The following MTMR12 variants were observed in gnomAD, a reference collection of about 807,000 sequenced individuals.
MTMR12 encodes myotubularin-related protein 12.
A neutral mutation model predicts 96.7 loss-of-function variants in MTMR12; 33 were observed. That is an observed-to-expected ratio of 0.34 (90% CI 0.26 to 0.46). The LOEUF (loss-of-function observed/expected upper bound fraction) is 0.46. Ranked by LOEUF, MTMR12 falls within the 20% of genes least tolerant of loss-of-function variation. MTMR12 has a pLI of 1.00. For missense variants in MTMR12, 721 were observed against 896.1 expected (o/e 0.80, Z 2.49); for synonymous variants, 298 against 327.2 (o/e 0.91, Z 0.96).
chr5:32,230,283 C>T lies in MTMR12; in HGVS notation c.1739G>A (p.Arg580Lys). The T allele has an allele frequency of 6.2e-7, 1 of 1,613,808 alleles. No individual in the cohort carries two copies. The highest frequency in any genetic ancestry group is 8.5e-7 in the Non-Finnish European group (1 of 1,179,952). The change falls in exon 16 of 16, where the codon AGG becomes AAG. Residue 580 changes from arginine to lysine, a missense_variant. Physicochemically the swap from Arg to Lys is conservative, Grantham distance 26 (BLOSUM62 2). Coordinates refer to ENST00000382142, the MANE Select transcript of MTMR12 (RefSeq NM_001040446.3). ...SKSSPKRGFFREETDHLIKNL... is the reference protein window; with the variant it reads ...SKSSPKRGFFKEETDHLIKNL... The stretch of plus-strand genomic sequence containing the variant: ...TTTAATTAAATGATCTGTTTCTTCC[C>T]TGAAAAATCCTCTTTTGGGAGATGA...
intron 3 of MTMR12, among the ~76,000 whole-genome samples, chr5:32,272,802 GAC>G (rs1182322253): frequency 1.3e-5 from 2 of 152,176 alleles, no homozygotes; most frequent in African/African-American, 4.8e-5. Flanking sequence ...ACAGGGGATT[GAC>G]AGAGCTACCT....
At chr5:32,235,877 GC>G (rs1748208651) in intron 13 of MTMR12, among the ~76,000 whole-genome samples, 1 of 152,184 alleles carries the variant, frequency 6.6e-6, no homozygotes, top group African/African-American at 2.4e-5. Context: ...CTGCCAGGGG[GC>G]TAAGAGAAGC....
intron 8 of MTMR12, among the ~76,000 whole-genome samples, chr5:32,249,860 T>A (rs1333194417): frequency 6.6e-6 from 1 of 152,036 alleles, no homozygotes; most frequent in South Asian, 2.1e-4. Flanking sequence ...GTTGGACGGG[T>A]GAGTACAGTT....
chr5:32,265,453 G>T (rs1749551996), intron 6 of MTMR12, among the ~76,000 whole-genome samples: 1 of 152,130 alleles, frequency 6.6e-6, no homozygotes, highest in Non-Finnish European at 1.5e-5. Context: ...ACAAAAATCA[G>T]GATACAAGGA....
chr5:32,280,315 T>G (rs758321270), intron 1 of MTMR12, among the ~76,000 whole-genome samples: 2 of 152,202 alleles, frequency 1.3e-5, no homozygotes, highest in Non-Finnish European at 2.9e-5. Context: ...CTCAGATTAA[T>G]TTTATCCAGC....
intron 6 of MTMR12, among the ~76,000 whole-genome samples, chr5:32,263,600 G>C (rs1749465096): frequency 6.6e-6 from 1 of 151,996 alleles, no homozygotes. Flanking sequence ...ACCACATATG[G>C]CTAATTTTTG....
chr5:32,261,155 C>T (rs1036100434), intron 7 of MTMR12, among the ~76,000 whole-genome samples: 3 of 151,750 alleles, frequency 2.0e-5, no homozygotes, highest in African/African-American at 7.3e-5. Flanking sequence ...ATCACTTGAA[C>T]CCAGGAGGCA....
chr5:32,278,971 G>A (rs1750171448), intron 1 of MTMR12, among the ~76,000 whole-genome samples: 1 of 151,120 alleles, frequency 6.6e-6, no homozygotes, highest in South Asian at 2.1e-4. Flanking sequence ...AGCTACTCGG[G>A]AGGCTGAGGC....
intron 13 of MTMR12, 22 bp downstream of exon 13, chr5:32,238,979 A>G: frequency 6.4e-7 from 1 of 1,564,208 alleles, no homozygotes; most frequent in Non-Finnish European, 8.7e-7. Flanking sequence ...TGACGGAAAC[A>G]GTCTGCAGTG....
intron 1 of MTMR12, among the ~76,000 whole-genome samples, chr5:32,287,087 C>T (rs977442806): frequency 6.6e-6 from 1 of 152,204 alleles, no homozygotes; most frequent in African/African-American, 2.4e-5. Flanking sequence ...AAGAAGACTG[C>T]TGCACTCAGC....
intron 1 of MTMR12, among the ~76,000 whole-genome samples, chr5:32,294,696 T>C (rs776190836): frequency 8.5e-5 from 13 of 152,216 alleles, no homozygotes; most frequent in Admixed American, 5.2e-4. Context: ...TGTACCTTTA[T>C]GGATTTTTAG....
chr5:32,310,546 C>T (rs568457827), intron 1 of MTMR12, among the ~76,000 whole-genome samples: 2 of 152,274 alleles, frequency 1.3e-5, no homozygotes, highest in South Asian at 2.1e-4. Context: ...CTACGCCAGG[C>T]GCAGAAAGAC....
chr5:32,266,178 T>C (rs748054334), intron 6 of MTMR12, among the ~76,000 whole-genome samples: 1 of 152,168 alleles, frequency 6.6e-6, no homozygotes, highest in Non-Finnish European at 1.5e-5. Flanking sequence ...ATCACTCAGC[T>C]TCCTCTCCTA....
chr5:32,233,933 C>G lies in MTMR12; in HGVS notation c.1514G>C (p.Gly505Ala). 1 of 1,614,184 alleles carries G rather than the reference C, an allele frequency of 6.2e-7. No individual in the cohort carries two copies. Among genetic ancestry groups the G allele is most frequent in the Non-Finnish European group, 8.5e-7 (1 of 1,180,030 alleles). ...NSPHQKDTNM[G>A]REGQDTQSKP... ...GCTTTGTGTATCCTGGCCTTCTCTA[C>G]CCTGCCAAAACAAGCACAGGTCATG... Residue 505 changes from glycine (G) to alanine (A), a missense_variant and splice_region_variant, in exon 15 of 16, where the codon GGT (glycine) becomes GCT (alanine). Transcript: ENST00000382142. This position sits in a 1 kb window ranked among gnomAD's most constrained non-coding sequence, Gnocchi z 5.0.
chr5:32,274,076 C>T lies in MTMR12; in HGVS notation c.189G>A (p.Gln63=). Residue 63 remains glutamine, a synonymous_variant, in exon 3 of 16, where the codon CAG becomes CAA. Coordinates refer to ENST00000382142, the MANE Select transcript of MTMR12 (RefSeq NM_001040446.3). ...AGACCCCATGCTGACAGGAATCTTCCTGGACATACTTCAGTACTGTGCTGG... is the reference window on the plus strand; with the variant it reads ...AGACCCCATGCTGACAGGAATCTTCTTGGACATACTTCAGTACTGTGCTGG... The part of the protein sequence containing the change: ...CEASTVLKYV[Q]EDSCQHGVYG... 1.2e-6 allele frequency: 2 copies of T among 1,614,192 alleles called. No homozygotes were observed. The highest frequency in any genetic ancestry group is 2.2e-5 in the South Asian group (2 of 91,088).
chr5:32,296,410 T>C lies in MTMR12; in HGVS notation c.81+16348A>G, dbSNP rs190813733. 7.0e-5 allele frequency: 19 copies of C among 270,608 alleles called. No individual in the cohort carries two copies. In the East Asian group the frequency reaches 2.1e-3, roughly 30 times the overall value. The allele number at this position is 270,608 out of a possible 1,614,324, so 16.8% of individuals were successfully genotyped here. On this transcript the variant is annotated intron_variant, in intron 1 of 15. Coordinates refer to ENST00000382142, the MANE Select transcript of MTMR12 (RefSeq NM_001040446.3). ...AGGAAGATTGCTTCAGCCCAGGAGGTTGAGGCTGGAGTGAGCTGAGATCAC... is the reference window on the plus strand; with the variant it reads ...AGGAAGATTGCTTCAGCCCAGGAGGCTGAGGCTGGAGTGAGCTGAGATCAC...
chr5:32,312,762 G>A lies in MTMR12; in HGVS notation c.77C>T (p.Pro26Leu), dbSNP rs750170660. 3 of 1,526,308 alleles carry A rather than the reference G, an allele frequency of 2.0e-6. No individual in the cohort carries two copies. The highest frequency in any genetic ancestry group is 2.6e-6 in the Non-Finnish European group (3 of 1,139,772). The allele number at this position is 1,526,308 out of a possible 1,614,324, so 94.5% of individuals were successfully genotyped here. A position where few individuals can be genotyped will look rare whatever the true frequency, so the allele number is the denominator to read the frequency against. ...PKPSFVSYVR[P>L]EEIHTNEKEV... The stretch of plus-strand genomic sequence containing the variant: ...GCCTGCGCGGCGCCCCCTCACCTCA[G>A]GGCGTACGTACGACACGAAGGAGGG... Residue 26 changes from proline to leucine, a missense_variant, in exon 1 of 16, where the codon CCT becomes CTT. Transcript: ENST00000382142. The surrounding 1 kb of genome is among the most constrained non-coding windows in gnomAD (Gnocchi z 5.0).
chr5:32,238,065 A>C (rs373890096), intron 13 of MTMR12, among the ~76,000 whole-genome samples: 17 of 141,832 alleles, frequency 1.2e-4, no homozygotes, highest in African/African-American at 3.6e-4. Context: ...ATAAGCTTAA[A>C]CCCAGGAGGC....
chr5:32,312,898 G>C lies in MTMR12; in HGVS notation c.-60C>G, dbSNP rs964493130. On this transcript the variant is annotated 5_prime_UTR_variant, in exon 1 of 16. Transcript: ENST00000382142. The surrounding 1 kb of genome is among the most constrained non-coding windows in gnomAD (Gnocchi z 5.0). ...AGAGGCGGCGGCTCGGGCTCCAGCTGGGGCAGCAGCGGCGGCCACCAGCAC... is the reference window on the plus strand; with the variant it reads ...AGAGGCGGCGGCTCGGGCTCCAGCTCGGGCAGCAGCGGCGGCCACCAGCAC... 1.4e-6 allele frequency: 2 copies of C among 1,445,248 alleles called. No individual in the cohort carries two copies. Among genetic ancestry groups the C allele is most frequent in the African/African-American group, 3.0e-5 (2 of 67,232 alleles). 89.5% of individuals were successfully genotyped at this position (1,445,248 alleles called of 1,614,324 possible). A position where few individuals can be genotyped will look rare whatever the true frequency, so the allele number is the denominator to read the frequency against.
Sources: gnomAD v4.1 joint callset for allele counts (sites outside exome capture counted in the v4.1 genomes callset) on GRCh38, gnomAD v4.1.1 for gene constraint, Gnocchi (gnomAD v3.1) non-coding constraint, MANE v1.5 for transcripts, NCBI Gene and HGNC (gene_info 2026-07-23, HGNC 2026-07-21) for gene names.